Variants in SOX6 observed in about 807,000 individuals in gnomAD.
The protein encoded by SOX6 is SRY-box transcription factor 6, also known as transcription factor SOX-6.
SOX6 carries 11 observed loss-of-function variants against 97.8 expected under a neutral mutation model. That is an observed-to-expected ratio of 0.11 (90% CI 0.07 to 0.19). SOX6 has a LOEUF of 0.19. SOX6 is among the 10% of genes least tolerant of loss of function. SOX6 has a pLI of 1.00. For missense variants in SOX6, 810 were observed against 1,039.5 expected (o/e 0.78, Z 3.04); for synonymous variants, 360 against 371.4 (o/e 0.97, Z 0.35).
intron 3 of SOX6, among the ~76,000 whole-genome samples, chr11:16,275,302 A>T (rs1301568612): frequency 6.6e-6 from 1 of 150,650 alleles, no homozygotes; most frequent in Non-Finnish European, 1.5e-5. Context: ...AAAAAAAAAA[A>T]AAATAGCCGG....
chr11:16,407,270 TA>T (rs1169061605), intron 1 of SOX6, among the ~76,000 whole-genome samples: 1 of 152,118 alleles, frequency 6.6e-6, no homozygotes, highest in African/African-American at 2.4e-5. Context: ...TGTTTAAAAC[TA>T]AAAATTCTTT....
intron 13 of SOX6, among the ~76,000 whole-genome samples, chr11:16,009,811 T>G (rs747387703): frequency 6.6e-6 from 1 of 152,042 alleles, no homozygotes; most frequent in African/African-American, 2.4e-5. Flanking sequence ...TATGCAGTTA[T>G]AGCATTTAAA....
chr11:16,558,908 G>T (rs938452466), intron 4 of SOX6, among the ~76,000 whole-genome samples: 2 of 152,056 alleles, frequency 1.3e-5, no homozygotes, highest in South Asian at 2.1e-4. Flanking sequence ...TCTGTAAAAA[G>T]TGATTTTTTA....
intron 4 of SOX6, among the ~76,000 whole-genome samples, chr11:16,609,792 A>G (rs1248118615): frequency 6.6e-6 from 1 of 152,236 alleles, no homozygotes; most frequent in Non-Finnish European, 1.5e-5. Context: ...CTGGCCCACT[A>G]GGAAATACAA....
At chr11:16,469,365 T>C (rs1565155694) in intron 1 of SOX6, among the ~76,000 whole-genome samples, 1 of 152,078 alleles carries the variant, frequency 6.6e-6, no homozygotes, top group Non-Finnish European at 1.5e-5. Flanking sequence ...CTCTGACAGA[T>C]TCTTAAGAAA....
At chr11:16,273,775 GC>G (rs35873830) in intron 3 of SOX6, among the ~76,000 whole-genome samples, 1 of 152,016 alleles carries the variant, frequency 6.6e-6, no homozygotes, top group Non-Finnish European at 1.5e-5. Context: ...ACACTCCTAA[GC>G]CCTTAGGGGG....
At chr11:16,028,593 C>T (rs1855272660) in intron 12 of SOX6, among the ~76,000 whole-genome samples, 1 of 152,186 alleles carries the variant, frequency 6.6e-6, no homozygotes, top group Non-Finnish European at 1.5e-5. Flanking sequence ...ATCACTGTTA[C>T]ATTCCTCTGA....
rs143089330 is a variant in SOX6, at chr11:16,304,981, A to G, written c.445+13465T>C. Among the ~76,000 whole-genome samples, 14 of 152,250 alleles carry G rather than the reference A, an allele frequency of 9.2e-5. No homozygotes were observed. In the East Asian group the frequency reaches 1.7e-3, roughly 19 times the overall value. ...ACTACACATCTTTCAGAAAAAAAAA[A>G]GGAGAAAATATTTAGAATCTAGGGT... is the stretch of plus-strand genomic sequence containing the variant. On this transcript the variant is annotated intron_variant, in intron 3 of 15. Coordinates refer to ENST00000683767, the MANE Select transcript of SOX6 (RefSeq NM_001367873.1).
intron 6 of SOX6, among the ~76,000 whole-genome samples, chr11:16,145,140 A>C (rs1344418291): frequency 6.6e-6 from 1 of 152,128 alleles, no homozygotes; most frequent in East Asian, 1.9e-4. Context: ...CACATCAAAA[A>C]CCTTATCCAC....
chr11:16,671,190 G>A (rs1439044421), intron 3 of SOX6, among the ~76,000 whole-genome samples: 1 of 152,244 alleles, frequency 6.6e-6, no homozygotes, highest in Non-Finnish European at 1.5e-5. Context: ...CACATGCAGA[G>A]ATGAGGAAGA....
chr11:16,451,875 AT>A (rs1166794772), intron 1 of SOX6, among the ~76,000 whole-genome samples: 1 of 151,894 alleles, frequency 6.6e-6, no homozygotes, highest in East Asian at 1.9e-4. Flanking sequence ...TCAAAAAAAA[AT>A]TTTTTTAATT....
intron 12 of SOX6, among the ~76,000 whole-genome samples, chr11:16,018,862 C>T (rs1028485217): frequency 5.9e-5 from 9 of 151,902 alleles, no homozygotes; most frequent in African/African-American, 2.2e-4. Flanking sequence ...CAGTAAAGAC[C>T]ATAATGTAAA....
At chr11:16,566,645 C>T (rs1056036663) in intron 4 of SOX6, among the ~76,000 whole-genome samples, 2 of 152,222 alleles carry the variant, frequency 1.3e-5, no homozygotes, top group Non-Finnish European at 2.9e-5. Flanking sequence ...CTGACATACC[C>T]GCTAGGGCGG....
chr11:16,376,243 T>C (rs748877769), intron 1 of SOX6, among the ~76,000 whole-genome samples: 1 of 152,132 alleles, frequency 6.6e-6, no homozygotes, highest in East Asian at 1.9e-4. Flanking sequence ...GCATACCTAA[T>C]GTGATTTCTT....
At chr11:16,506,730 G>A (rs756219981) in intron 4 of SOX6, among the ~76,000 whole-genome samples, 1 of 152,112 alleles carries the variant, frequency 6.6e-6, no homozygotes, top group Non-Finnish European at 1.5e-5. Context: ...CCCCCTTGAT[G>A]TTCTTGTGGT....
chr11:16,593,521 G>GA (rs11454509), intron 4 of SOX6, among the ~76,000 whole-genome samples: 64,997 of 148,642 alleles, frequency 0.44, 14,868 homozygotes, highest in East Asian at 0.85. Context: ...TCCACCTTTA[G>GA]AAAAAAAAAA....
intron 4 of SOX6, among the ~76,000 whole-genome samples, chr11:16,190,513 T>A (rs1375075710): frequency 6.6e-6 from 1 of 152,200 alleles, no homozygotes; most frequent in African/African-American, 2.4e-5. Flanking sequence ...AATCCACAGA[T>A]GATATGAAGT....
chr11:16,222,778 C>T (rs1034543052), intron 4 of SOX6, among the ~76,000 whole-genome samples: 30 of 152,008 alleles, frequency 2.0e-4, no homozygotes, highest in African/African-American at 4.8e-5. Context: ...TACTTCATGC[C>T]ACCCTATAAA....
At chr11:16,665,099 C>T (rs146891507) in intron 3 of SOX6, among the ~76,000 whole-genome samples, 21 of 152,036 alleles carry the variant, frequency 1.4e-4, no homozygotes, top group African/African-American at 5.1e-4. Flanking sequence ...GACTTGCTGG[C>T]TTCAAGTGTG....
Sources: allele counts gnomAD v4.1 joint callset (sites outside exome capture counted in the v4.1 genomes callset), GRCh38; gene constraint gnomAD v4.1.1; transcripts MANE v1.5; gene names NCBI Gene and HGNC (gene_info 2026-07-23, HGNC 2026-07-21).